NDUFAF6: variants seen among roughly 807,000 people sequenced by gnomAD.
NDUFAF6 encodes the protein NADH dehydrogenase (ubiquinone) complex I, assembly factor 6.
Under a neutral mutation model 40.8 loss-of-function variants are expected in NDUFAF6, and 45 were observed. The observed-to-expected ratio is 1.10, with a 90% confidence interval of 0.87 to 1.42. The LOEUF is 1.42. Ranked by LOEUF, NDUFAF6 falls within the 40% of genes most tolerant of loss-of-function variation. The probability of loss-of-function intolerance (pLI) is 0.00; values close to 1 mark genes in which losing one functional copy is unlikely to be tolerated. For missense variants in NDUFAF6, 435 were observed against 418.5 expected (o/e 1.04, Z -0.34); for synonymous variants, 185 against 155.9 (o/e 1.19, Z -1.39).
At chr8:94,919,952 G>A (rs1331106697) in intron 1 of NDUFAF6, among the ~76,000 whole-genome samples, 1 of 152,186 alleles carries the variant, frequency 6.6e-6, no homozygotes, top group African/African-American at 2.4e-5. Flanking sequence ...AGCAGATTCA[G>A]GAAGGCTCTG....
intron 1 of NDUFAF6, among the ~76,000 whole-genome samples, chr8:94,903,286 G>A (rs549992123): frequency 6.6e-6 from 1 of 152,216 alleles, no homozygotes; most frequent in East Asian, 1.9e-4. Flanking sequence ...TTGAGCCCAG[G>A]AGGTCGAGGC....
intron 1 of NDUFAF6, among the ~76,000 whole-genome samples, chr8:94,970,840 G>T (rs1189060032): frequency 6.6e-6 from 1 of 152,162 alleles, no homozygotes; most frequent in Non-Finnish European, 1.5e-5. Flanking sequence ...TCACCAAAAT[G>T]TTCCCTCAGC....
intron 1 of NDUFAF6, among the ~76,000 whole-genome samples, chr8:94,962,570 A>G (rs7815762): frequency 0.51 from 76,867 of 151,394 alleles, 19,886 homozygotes; most frequent in East Asian, 0.72. Context: ...TGGGATTACA[A>G]GCATGAACCA....
At chr8:95,021,922 T>A (rs941674936), upstream of NDUFAF6, among the ~76,000 whole-genome samples, 1 of 152,220 alleles carries the variant, frequency 6.6e-6, no homozygotes, top group Non-Finnish European at 1.5e-5. Context: ...CTTGTGAGAC[T>A]GAACTCTGAA....
chr8:95,004,747 A>G (rs1184319738), intron 2 of NDUFAF6, among the ~76,000 whole-genome samples: 1 of 152,208 alleles, frequency 6.6e-6, no homozygotes, highest in East Asian at 1.9e-4. Context: ...GAGGGCTTGC[A>G]CCAGGGAAAA....
intron 2 of NDUFAF6, among the ~76,000 whole-genome samples, chr8:95,092,876 C>T (rs916748233): frequency 6.6e-6 from 1 of 152,226 alleles, no homozygotes; most frequent in Non-Finnish European, 1.5e-5. Flanking sequence ...AGCCACCGCT[C>T]CCGGCCTGCT....
intron 1 of NDUFAF6, chr8:94,940,129 A>C: frequency 1.2e-6 from 2 of 1,614,214 alleles, no homozygotes; most frequent in Non-Finnish European, 1.7e-6. Context: ...ATGCCGGTAA[A>C]CAGGAAAAGA....
intron 7 of NDUFAF6, among the ~76,000 whole-genome samples, 177 bp downstream of exon 7, chr8:95,048,735 C>A (rs1831096565): frequency 6.6e-6 from 1 of 152,112 alleles, no homozygotes; most frequent in Non-Finnish European, 1.5e-5. Context: ...AAAAGTCCCT[C>A]CCCCCACCTC....
At chr8:95,000,924 G>T (rs1826700441) in intron 2 of NDUFAF6, among the ~76,000 whole-genome samples, 1 of 151,628 alleles carries the variant, frequency 6.6e-6, no homozygotes, top group African/African-American at 2.4e-5. Context: ...GCAACAGAGT[G>T]AGGCTCTGTT....
chr8:94,898,735 A>G (rs1328081814), intron 1 of NDUFAF6, among the ~76,000 whole-genome samples: 1 of 152,148 alleles, frequency 6.6e-6, no homozygotes, highest in Non-Finnish European at 1.5e-5. Flanking sequence ...GTATTATTTT[A>G]ATTTATTCTG....
chr8:94,935,744 A>G (rs544519772), intron 1 of NDUFAF6, among the ~76,000 whole-genome samples: 2 of 152,330 alleles, frequency 1.3e-5, no homozygotes, highest in African/African-American at 4.8e-5. Flanking sequence ...TAGATTGGAG[A>G]ACATAAAAAT....
rs532222483 is a variant in NDUFAF6 at position 95,075,741 on chromosome 8, G to A, written c.*620G>A. On this transcript the variant is annotated 3_prime_UTR_variant and NMD_transcript_variant, in exon 10 of 10. Transcript: ENST00000520757. The stretch of plus-strand genomic sequence containing the variant: ...TGAAGGACTCTGGTTCTAGGCATGC[G>A]CACTTCTCCAGGTACTTGAGCTTGG... The A allele has an allele frequency of 1.7e-4, 219 of 1,276,336 alleles. 1 individual carries two copies. The highest frequency in any genetic ancestry group is 5.9e-4 in the South Asian group (48 of 80,740). The allele number at this position is 1,276,336 out of a possible 1,614,324, so 79.1% of individuals were successfully genotyped here.
chr8:95,059,318 T>C (rs181681086), downstream of NDUFAF6, among the ~76,000 whole-genome samples: 800 of 152,290 alleles, frequency 5.3e-3, 5 homozygotes, highest in African/African-American at 0.018. Flanking sequence ...AAATTCAAAC[T>C]GAGAGCTTTT....
chr8:95,039,266 A>C (rs1423682872), intron 3 of NDUFAF6, among the ~76,000 whole-genome samples: 1 of 151,798 alleles, frequency 6.6e-6, no homozygotes, highest in East Asian at 2.0e-4. Flanking sequence ...CATCCAAGCC[A>C]ACATGGTGAA....
intron 2 of NDUFAF6, among the ~76,000 whole-genome samples, chr8:95,094,754 T>TTC: frequency 1.4e-5 from 2 of 145,958 alleles, no homozygotes; most frequent in African/African-American, 5.2e-5. Context: ...TCTTCTTCTT[T>TTC]TTTTTTTTTT....
At chr8:95,043,597 A>G (rs148314054) in intron 4 of NDUFAF6, among the ~76,000 whole-genome samples, 1 of 152,320 alleles carries the variant, frequency 6.6e-6, no homozygotes, top group African/African-American at 2.4e-5. Flanking sequence ...TCTCCAGATA[A>G]GGTGTACAAA....
intron 1 of NDUFAF6, among the ~76,000 whole-genome samples, chr8:94,945,219 T>C (rs1335110973): frequency 1.3e-5 from 2 of 152,228 alleles, no homozygotes; most frequent in South Asian, 2.1e-4. Flanking sequence ...AGTCTAAATA[T>C]AGATCAAGTA....
chr8:94,967,010 G>A (rs1299882812), intron 1 of NDUFAF6, among the ~76,000 whole-genome samples: 4 of 152,110 alleles, frequency 2.6e-5, no homozygotes, highest in East Asian at 1.9e-4. Flanking sequence ...GGTTCCCTTG[G>A]TAAGGAATGA....
chr8:94,919,968 T>A (rs76598530), intron 1 of NDUFAF6, among the ~76,000 whole-genome samples: 1 of 151,350 alleles, frequency 6.6e-6, no homozygotes, highest in African/African-American at 2.4e-5. Flanking sequence ...CTCTGTGGGA[T>A]TTTTTTTTAA....
Sources: gnomAD v4.1 joint callset for allele counts (sites outside exome capture counted in the v4.1 genomes callset) on GRCh38, gnomAD v4.1.1 for gene constraint, MANE v1.5 for transcripts, NCBI Gene and HGNC (gene_info 2026-07-23, HGNC 2026-07-21) for gene names.